The following WDFY4 variants were observed in gnomAD, a reference collection of about 807,000 sequenced individuals.
WDFY4 encodes the protein WD repeat- and FYVE domain-containing protein 4.
In WDFY4, 169 loss-of-function variants were observed where a neutral mutation model predicts 351.9. The observed-to-expected ratio is 0.48, with a 90% CI of 0.42 to 0.55. The LOEUF (loss-of-function observed/expected upper bound fraction) is 0.55. Among genes scored for constraint, WDFY4 ranks in the 20% least tolerant of loss-of-function variants. WDFY4 has a pLI of 0.00. For missense variants in WDFY4, 3,803 were observed against 3,935.6 expected, an observed-to-expected ratio of 0.97 and a Z score of 0.90; for synonymous variants, 1,622 against 1,574.6, an observed-to-expected ratio of 1.03 and a Z score of -0.71.
At position 48,729,551 on chromosome 10, in the gene WDFY4, C is replaced by A; in HGVS notation, c.1091C>A (p.Pro364His). 1 of 1,551,742 alleles carries A rather than the reference C, an allele frequency of 6.4e-7. No individual in the cohort carries two copies. Among genetic ancestry groups the A allele is most frequent in the East Asian group, 2.4e-5 (1 of 40,926 alleles). ...AAGGTGTTTGACAGCATCACTTACC[C>A]TCAGCTTGAAGGCTTCAAGTTCCAT... ...ELKVFDSITY[P>H]QLEGFKFHHE... The change falls in exon 8 of 62, where the codon CCT becomes CAT. Residue 364 changes from proline (P) to histidine (H), a missense_variant. This residue lies in a region of WDFY4 where 488 missense variants were observed against 456.8 expected (regional missense o/e 1.07). Transcript: ENST00000325239.
intron 25 of WDFY4, among the ~76,000 whole-genome samples, chr10:48,804,164 G>A (rs1435180621): frequency 6.6e-6 from 1 of 152,192 alleles, no homozygotes; most frequent in African/African-American, 2.4e-5. Flanking sequence ...AGAGAAGGAA[G>A]GCAAGGAAGC....
intron 39 of WDFY4, among the ~76,000 whole-genome samples, chr10:48,866,704 G>A (rs1160019103): frequency 6.6e-6 from 1 of 152,180 alleles, no homozygotes; most frequent in African/African-American, 2.4e-5. Context: ...GGAAGGTTGA[G>A]CTACTGCAAG....
intron 44 of WDFY4, among the ~76,000 whole-genome samples, chr10:48,895,441 C>A (rs1322596107): frequency 1.3e-5 from 2 of 152,196 alleles, no homozygotes; most frequent in African/African-American, 4.8e-5. Flanking sequence ...CTTTGTAGCC[C>A]TTGGCTCTCT....
chr10:48,965,613 T>A (rs981112599), intron 54 of WDFY4, among the ~76,000 whole-genome samples: 1 of 152,176 alleles, frequency 6.6e-6, no homozygotes, highest in Non-Finnish European at 1.5e-5. Flanking sequence ...ACTCTGCCCA[T>A]GTCCACAGCC....
At chr10:48,690,256 C>T (rs1238658016) in intron 1 of WDFY4, among the ~76,000 whole-genome samples, 1 of 152,160 alleles carries the variant, frequency 6.6e-6, no homozygotes, top group Non-Finnish European at 1.5e-5. Flanking sequence ...GAGGATGCTC[C>T]ATGGTCACTA....
intron 52 of WDFY4, among the ~76,000 whole-genome samples, chr10:48,958,761 G>A (rs531702807): frequency 2.0e-5 from 3 of 152,266 alleles, no homozygotes; most frequent in African/African-American, 7.2e-5. Flanking sequence ...AGTCCTATGA[G>A]GAAAATAGGT....
chr10:48,737,634 C>G (rs546257952), intron 11 of WDFY4, among the ~76,000 whole-genome samples: 9 of 152,192 alleles, frequency 5.9e-5, no homozygotes, highest in African/African-American at 2.2e-4. Flanking sequence ...TCACAGATGA[C>G]AAGAACCCAG....
intron 10 of WDFY4, among the ~76,000 whole-genome samples, chr10:48,734,523 CAT>C (rs10653287): frequency 3.1e-3 from 445 of 144,848 alleles, no homozygotes; most frequent in Non-Finnish European, 5.2e-3. Context: ...ATAATATGTG[CAT>C]ATATATATAT....
chr10:48,695,887 A>G (rs1374422853), intron 1 of WDFY4, among the ~76,000 whole-genome samples: 1 of 152,142 alleles, frequency 6.6e-6, no homozygotes. Context: ...CCCCTTCCAC[A>G]GGACACTGTG....
intron 34 of WDFY4, 57 bp from the exon 35 acceptor site, chr10:48,822,323 T>A: frequency 6.9e-7 from 1 of 1,456,620 alleles, no homozygotes; most frequent in Non-Finnish European, 9.1e-7. Context: ...GCTTGGAGAT[T>A]GTCATGGACA....
At position 48,735,887 on chromosome 10, in the gene WDFY4, G is replaced by A; in HGVS notation, c.1695G>A (p.Leu565=). 1 of 1,551,550 alleles carries A rather than the reference G, an allele frequency of 6.4e-7. No individual in the cohort carries two copies. Among genetic ancestry groups the A allele is most frequent in the Non-Finnish European group, 8.7e-7 (1 of 1,146,940 alleles). The part of the protein sequence containing the change: ...LKGSVRNAVV[L]KDHGMVPFIK... ...TGTCTGTCTGATCCTTAGTTGTCCT[G>A]AAGGACCACGGCATGGTGCCCTTCA... Residue 565 remains leucine (L), a synonymous_variant, in exon 11 of 62, where the codon CTG becomes CTA. Coordinates refer to ENST00000325239, the MANE Select transcript of WDFY4 (RefSeq NM_001394531.1).
Position 48,693,620 on chromosome 10 carries a change from G to A in WDFY4, c.-18+8619G>A, listed in dbSNP as rs114186614. On this transcript the variant is annotated intron_variant, in intron 1 of 61. Coordinates refer to ENST00000325239, the MANE Select transcript of WDFY4 (RefSeq NM_001394531.1). ...TGAACCTGGGCAAATTTGAACAGCC[G>A]AACTTCACTGGCAGACACCTCTTTA... Among the ~76,000 whole-genome samples the A allele has an allele frequency of 9.7e-3, 1,480 of 152,332 alleles. 27 individuals are homozygous for A. The highest frequency in any genetic ancestry group is 0.034 in the African/African-American group (1,412 of 41,576).
intron 13 of WDFY4, among the ~76,000 whole-genome samples, chr10:48,764,339 G>T (rs1056047418): frequency 6.6e-6 from 1 of 152,160 alleles, no homozygotes; most frequent in Admixed American, 6.5e-5. Flanking sequence ...CTGTTTTTCT[G>T]CTTCTGGCAT....
intron 1 of WDFY4, among the ~76,000 whole-genome samples, chr10:48,690,362 A>G (rs1184882302): frequency 6.6e-6 from 1 of 152,250 alleles, no homozygotes; most frequent in East Asian, 1.9e-4. Flanking sequence ...ATTACAAGCA[A>G]AATATACTTG....
chr10:48,738,240 G>T (rs1205407202), intron 11 of WDFY4, among the ~76,000 whole-genome samples: 1 of 152,190 alleles, frequency 6.6e-6, no homozygotes, highest in Non-Finnish European at 1.5e-5. Context: ...AGAGTGATCT[G>T]CTTTGCTCAT....
chr10:48,720,022 C>T lies in WDFY4; in HGVS notation c.246C>T (p.His82=), dbSNP rs2064028525. 6.4e-7 allele frequency: 1 copy of T among 1,551,718 alleles called. No individual in the cohort carries two copies. The highest frequency in any genetic ancestry group is 1.2e-5 in the South Asian group (1 of 84,062). ...LLPLFLKAWE[H]SVGIICFPSL... Reference sequence around the variant, plus strand: ...ATCTGTTGCTTCAGGCCTGGGAACACTCCGTGGGGATCATCTGCTTTCCCA... The same window carrying T: ...ATCTGTTGCTTCAGGCCTGGGAACATTCCGTGGGGATCATCTGCTTTCCCA... Residue 82 remains histidine (H), a synonymous_variant, in exon 3 of 62, where the codon CAC becomes CAT. Transcript: ENST00000325239.
chr10:48,927,458 C>A (rs1032420924), intron 47 of WDFY4, among the ~76,000 whole-genome samples: 4 of 152,158 alleles, frequency 2.6e-5, no homozygotes, highest in African/African-American at 9.7e-5. Flanking sequence ...GCGTTCTTCC[C>A]ATTACGTCAA....
intron 35 of WDFY4, chr10:48,823,426 T>C (rs2072034910): frequency 8.4e-7 from 1 of 1,196,630 alleles, no homozygotes; most frequent in Non-Finnish European, 1.1e-6. Flanking sequence ...TCTTCACATC[T>C]CATAGAGAGT....
At chr10:48,982,344 C>A (rs993230565) in intron 61 of WDFY4, among the ~76,000 whole-genome samples, 165 bp from the exon 62 acceptor site, 6 of 152,130 alleles carry the variant, frequency 3.9e-5, no homozygotes, top group South Asian at 2.1e-4. Context: ...CAGGTGGAAA[C>A]CTTCTCCATT....
Sources: gnomAD v4.1 joint callset for allele counts (sites outside exome capture counted in the v4.1 genomes callset) on GRCh38, gnomAD v4.1.1 for gene constraint, gnomAD v4.1.1 regional missense constraint, MANE v1.5 for transcripts, NCBI Gene and HGNC (gene_info 2026-07-23, HGNC 2026-07-21) for gene names.